HSF5: variants seen among roughly 807,000 people sequenced by gnomAD.
The protein encoded by HSF5 is heat shock transcription factor 5, also known as heat shock factor protein 5.
In HSF5, 5 loss-of-function variants were observed where a neutral mutation model predicts 50.8. The ratio of observed to expected loss-of-function variants is 0.10; its 90% CI spans 0.05 to 0.21. HSF5 has a LOEUF of 0.21. Among genes scored for constraint, HSF5 ranks in the 10% least tolerant of loss-of-function variants. The pLI, the probability that HSF5 is intolerant of heterozygous loss-of-function variation, is 1.00. For synonymous variants in HSF5, 307 were observed against 307.4 expected, an observed-to-expected ratio of 1.00 and a Z score of 0.02; for missense variants, 564 against 762.6, an observed-to-expected ratio of 0.74 and a Z score of 3.07.
intron 1 of HSF5, among the ~76,000 whole-genome samples, chr17:58,482,303 A>C (rs1216137833): frequency 6.6e-6 from 1 of 152,128 alleles, no homozygotes; most frequent in Non-Finnish European, 1.5e-5. Context: ...TTTAAAGTAC[A>C]AAAAATAAAA....
rs1225793391 is a variant in HSF5, at chr17:58,420,887, T to C, written c.*1473A>G. The C allele has an allele frequency of 1.3e-5, 2 of 152,544 alleles. No individual in the cohort carries two copies. 9.4% of individuals were successfully genotyped at this position (152,544 alleles called of 1,614,324 possible). A position where few individuals can be genotyped will look rare whatever the true frequency, so the allele number is the denominator to read the frequency against. ...GAAAAGTAGATCTCTGTAATATTTC[T>C]AGGGTTTGACATCATTGGGAAGGCA... On this transcript the variant is annotated 3_prime_UTR_variant, in exon 6 of 6. Coordinates refer to ENST00000323777, the MANE Select transcript of HSF5 (RefSeq NM_001080439.3).
intron 5 of HSF5, among the ~76,000 whole-genome samples, chr17:58,450,887 G>C (rs1974631813): frequency 6.6e-6 from 1 of 152,022 alleles, no homozygotes; most frequent in Admixed American, 6.6e-5. Context: ...TTAGGAGTTT[G>C]AGACCAGCCT....
At chr17:58,445,538 C>T (rs916206140) in intron 5 of HSF5, among the ~76,000 whole-genome samples, 4 of 152,166 alleles carry the variant, frequency 2.6e-5, no homozygotes, top group Admixed American at 6.5e-5. Context: ...GTCATATGCA[C>T]GTACAAAGGA....
chr17:58,460,138 C>T (rs983684541), intron 4 of HSF5, among the ~76,000 whole-genome samples: 3 of 151,838 alleles, frequency 2.0e-5, no homozygotes, highest in Non-Finnish European at 4.4e-5. Context: ...CCACCTCAGC[C>T]TCCCAAGTAC....
At chr17:58,476,822 T>C in intron 2 of HSF5, 1 of 1,562,988 alleles carries the variant, frequency 6.4e-7, no homozygotes, top group Admixed American at 1.7e-5. Flanking sequence ...ATTAAGTCTG[T>C]CTATTTCATT....
chr17:58,447,767 G>A (rs1187430737), intron 5 of HSF5, among the ~76,000 whole-genome samples: 1 of 152,168 alleles, frequency 6.6e-6, no homozygotes, highest in Non-Finnish European at 1.5e-5. Context: ...CCCTCTGAAG[G>A]AGGACAGGTA....
At chr17:58,452,022 G>T (rs936100893) in intron 5 of HSF5, among the ~76,000 whole-genome samples, 2 of 151,084 alleles carry the variant, frequency 1.3e-5, no homozygotes, top group African/African-American at 4.9e-5. Context: ...GAGGCAGGAG[G>T]ATTCCTTGAG....
At chr17:58,487,246 CCG>C (rs2143816592) in intron 1 of HSF5, among the ~76,000 whole-genome samples, 1 of 152,324 alleles carries the variant, frequency 6.6e-6, no homozygotes, top group African/African-American at 2.4e-5. Context: ...TTGTTCCATC[CCG>C]CCTTAACCCG....
intron 5 of HSF5, among the ~76,000 whole-genome samples, chr17:58,422,645 T>C (rs755963889): frequency 3.3e-5 from 5 of 151,752 alleles, no homozygotes; most frequent in Non-Finnish European, 5.9e-5. Flanking sequence ...CAAATTTTAG[T>C]GTCCCTCCTT....
intron 1 of HSF5, among the ~76,000 whole-genome samples, chr17:58,482,825 T>A (rs1196261716): frequency 1.3e-5 from 2 of 149,378 alleles, no homozygotes; most frequent in African/African-American, 5.0e-5. Flanking sequence ...GCACCAATAG[T>A]CCCAGCTAGG....
intron 4 of HSF5, among the ~76,000 whole-genome samples, chr17:58,461,526 CA>C (rs1169804558): frequency 6.6e-6 from 1 of 151,748 alleles, no homozygotes; most frequent in Non-Finnish European, 1.5e-5. Flanking sequence ...AGGCTAAGAT[CA>C]AGAAAAAAAT....
chr17:58,486,275 GA>G (rs1478436877), intron 1 of HSF5, among the ~76,000 whole-genome samples: 1 of 152,122 alleles, frequency 6.6e-6, no homozygotes, highest in Non-Finnish European at 1.5e-5. Flanking sequence ...TAAGGAATGA[GA>G]ATTGCTTGAA....
At chr17:58,458,068 C>T (rs1013848829) in intron 5 of HSF5, among the ~76,000 whole-genome samples, 2 of 152,132 alleles carry the variant, frequency 1.3e-5, no homozygotes, top group African/African-American at 4.8e-5. Context: ...TGTCATTCTG[C>T]CTGCACTGCA....
At chr17:58,434,687 C>A (rs1451102313) in intron 5 of HSF5, among the ~76,000 whole-genome samples, 1 of 152,052 alleles carries the variant, frequency 6.6e-6, no homozygotes, top group Non-Finnish European at 1.5e-5. Context: ...GACCCTGTCT[C>A]TATAAAAATT....
intron 3 of HSF5, among the ~76,000 whole-genome samples, chr17:58,466,128 G>A (rs985378390): frequency 6.6e-6 from 1 of 151,988 alleles, no homozygotes; most frequent in African/African-American, 2.4e-5. Context: ...ATCTCATTAT[G>A]TTTTTGGAAA....
intron 5 of HSF5, among the ~76,000 whole-genome samples, chr17:58,432,875 A>G (rs1182031949): frequency 6.6e-6 from 1 of 152,164 alleles, no homozygotes; most frequent in Non-Finnish European, 1.5e-5. Flanking sequence ...GGAGGTGAGA[A>G]ATGGTCAGAT....
intron 5 of HSF5, among the ~76,000 whole-genome samples, chr17:58,442,671 C>A (rs903542633): frequency 6.6e-6 from 1 of 152,150 alleles, no homozygotes; most frequent in Non-Finnish European, 1.5e-5. Flanking sequence ...ATATCTGAGA[C>A]AAACCAAGTA....
At chr17:58,476,873 T>TC in intron 2 of HSF5, 1 of 1,344,406 alleles carries the variant, frequency 7.4e-7, no homozygotes, top group Non-Finnish European at 1.0e-6. Flanking sequence ...TTGCTGTTTT[T>TC]TTTTTCCTGA....
chr17:58,480,415 C>A (rs1250807101), intron 1 of HSF5, 148 bp from the exon 2 acceptor site: 5 of 687,676 alleles, frequency 7.3e-6, no homozygotes, highest in Non-Finnish European at 9.6e-6. Flanking sequence ...AGTTCAGAAT[C>A]AAGAATATGA....
Sources: gnomAD v4.1 joint callset for allele counts (sites outside exome capture counted in the v4.1 genomes callset) on GRCh38, gnomAD v4.1.1 for gene constraint, MANE v1.5 for transcripts, NCBI Gene and HGNC (gene_info 2026-07-23, HGNC 2026-07-21) for gene names.